HIVEP3: variants seen among roughly 807,000 people sequenced by gnomAD.
HIVEP3 encodes transcription factor HIVEP3.
A neutral mutation model predicts 152.8 loss-of-function variants in HIVEP3; 49 were observed. The ratio of observed to expected loss-of-function variants is 0.32; its 90% CI spans 0.26 to 0.41. HIVEP3 has a LOEUF of 0.41. Among genes scored for constraint, HIVEP3 ranks in the 10% least tolerant of loss-of-function variants. HIVEP3 has a pLI of 1.00. For missense variants in HIVEP3, 2,790 were observed against 3,103.3 expected (o/e 0.90, Z 2.40); for synonymous variants, 1,269 against 1,289.0 (o/e 0.98, Z 0.33).
chr1:41,718,426 A>G (rs957874520), intron 1 of HIVEP3, among the ~76,000 whole-genome samples: 1 of 152,252 alleles, frequency 6.6e-6, no homozygotes, highest in African/African-American at 2.4e-5. Context: ...GAGAATTAAG[A>G]TAATCTACGT....
Position 41,702,292 on chromosome 1 carries a change from C to G in HIVEP3, c.-800-1297G>C, listed in dbSNP as rs377271219. 1.3e-4 allele frequency among the ~76,000 whole-genome samples: 20 copies of G among 152,310 alleles called. No homozygotes were observed. The East Asian group carries it at 3.3e-3, about 25-fold the overall frequency. On this transcript the variant is annotated intron_variant, in intron 1 of 8. Transcript: ENST00000372583. The stretch of plus-strand genomic sequence containing the variant: ...CCTTCTCTTACTGAACCTTGAGAAG[C>G]CTTTCCTTGTCCCTCTACTAGGGTA...
intron 1 of HIVEP3, among the ~76,000 whole-genome samples, chr1:41,820,425 A>C (rs950658511): frequency 6.6e-6 from 1 of 152,048 alleles, no homozygotes; most frequent in Non-Finnish European, 1.5e-5. Context: ...AGCACCTCTT[A>C]TATTAATACA....
intron 1 of HIVEP3, among the ~76,000 whole-genome samples, chr1:41,724,800 G>A (rs1384916794): frequency 6.6e-6 from 1 of 152,262 alleles, no homozygotes; most frequent in Non-Finnish European, 1.5e-5. Flanking sequence ...TCCAGCCCAG[G>A]TGAGACGGTT....
chr1:41,628,611 A>T, intron 3 of HIVEP3, 138 bp downstream of exon 3: 6 of 694,428 alleles, frequency 8.6e-6, no homozygotes, highest in Admixed American at 4.3e-5. Context: ...AACAACTTTC[A>T]CAGAGGCACC....
chr1:41,618,290 C>T (rs552511908), intron 3 of HIVEP3, among the ~76,000 whole-genome samples: 1 of 152,346 alleles, frequency 6.6e-6, no homozygotes, highest in South Asian at 2.1e-4. Context: ...TATGCAATGC[C>T]GGGCCAGGAG....
chr1:41,756,822 C>T (rs1404956681), intron 1 of HIVEP3, among the ~76,000 whole-genome samples: 4 of 152,202 alleles, frequency 2.6e-5, no homozygotes, highest in African/African-American at 9.7e-5. Flanking sequence ...GTATCATTTA[C>T]TCCAGAATCC....
intron 1 of HIVEP3, among the ~76,000 whole-genome samples, chr1:41,823,009 AG>A (rs2124344627): frequency 6.6e-6 from 1 of 152,362 alleles, no homozygotes; most frequent in East Asian, 1.9e-4. Flanking sequence ...ATCTAGAGAA[AG>A]GCTCTTAAGG....
chr1:41,537,295 C>T (rs150052991), intron 5 of HIVEP3, among the ~76,000 whole-genome samples: 338 of 152,346 alleles, frequency 2.2e-3, no homozygotes, highest in African/African-American at 7.9e-3. Flanking sequence ...AGGTTTGCTG[C>T]ATTTCTGATT....
chr1:41,784,334 G>T (rs879665700), intron 1 of HIVEP3, among the ~76,000 whole-genome samples: 10 of 152,158 alleles, frequency 6.6e-5, no homozygotes, highest in Admixed American at 6.5e-4. Context: ...GCTACATGTT[G>T]AAATAACCTT....
At chr1:41,564,907 TGA>T (rs1339046956) in intron 5 of HIVEP3, among the ~76,000 whole-genome samples, 2 of 151,926 alleles carry the variant, frequency 1.3e-5, no homozygotes, top group Non-Finnish European at 1.5e-5. Flanking sequence ...GCTCGCTGGA[TGA>T]GAGTGCACCA....
intron 2 of HIVEP3, among the ~76,000 whole-genome samples, chr1:41,689,533 A>G (rs1646164167): frequency 6.6e-6 from 1 of 152,132 alleles, no homozygotes; most frequent in Non-Finnish European, 1.5e-5. Context: ...CCTGGGAGGA[A>G]AAACACACCA....
chr1:41,910,527 C>T (rs987817642), intron 1 of HIVEP3, among the ~76,000 whole-genome samples: 1 of 151,830 alleles, frequency 6.6e-6, no homozygotes, highest in Non-Finnish European at 1.5e-5. Context: ...AACCATGATA[C>T]AAAACCCTGC....
rs1208761411 is a variant in HIVEP3, at chr1:41,918,240, C to T, written c.-801+173G>A. On this transcript the variant is annotated intron_variant, in intron 1 of 8. Transcript: ENST00000372583. This position sits in a 1 kb window ranked among gnomAD's most constrained non-coding sequence, Gnocchi z 4.3. ...CACTGGCCGCCACGCGCAGCCCACCCGGCCGGCCCCTGCGTCTCGGCAGCC... is the reference window on the plus strand; with the variant it reads ...CACTGGCCGCCACGCGCAGCCCACCTGGCCGGCCCCTGCGTCTCGGCAGCC... 6.6e-6 allele frequency among the ~76,000 whole-genome samples: 1 copy of T among 152,228 alleles called. No homozygotes were observed. Among genetic ancestry groups the T allele is most frequent in the African/African-American group, 2.4e-5 (1 of 41,474 alleles).
intron 1 of HIVEP3, among the ~76,000 whole-genome samples, chr1:41,982,841 G>A (rs2124511083): frequency 6.6e-6 from 1 of 152,336 alleles, no homozygotes; most frequent in African/African-American, 2.4e-5. Context: ...TACAGAGTAG[G>A]TGCCTAATAA....
At chr1:41,809,766 A>G (rs749779705) in intron 1 of HIVEP3, among the ~76,000 whole-genome samples, 1 of 152,210 alleles carries the variant, frequency 6.6e-6, no homozygotes, top group Non-Finnish European at 1.5e-5. Flanking sequence ...GCACAAAAAG[A>G]CACTCAGTAA....
rs764791757 is a variant in HIVEP3, at chr1:41,513,319, G to A, written c.5902C>T (p.Pro1968Ser). ...CCTGCTTCTTTGCTTGGGGACCACG[G>A]TCTTCTTGGGGACACAGGCTTGTAG... The part of the protein sequence containing the change: ...LSYKPVSPRR[P>S]WSPSKEAGSR... Residue 1968 changes from proline (P) to serine (S), a missense_variant, in exon 8 of 9, where the codon CCG becomes TCG. Transcript: ENST00000372583. The A allele has an allele frequency of 6.2e-7, 1 of 1,613,138 alleles. No homozygotes were observed. Among genetic ancestry groups the A allele is most frequent in the Non-Finnish European group, 8.5e-7 (1 of 1,180,016 alleles).
chr1:41,647,803 C>A (rs549104464), intron 2 of HIVEP3, among the ~76,000 whole-genome samples: 1 of 152,362 alleles, frequency 6.6e-6, no homozygotes, highest in East Asian at 1.9e-4. Flanking sequence ...CTCTTGCCAC[C>A]AAACACTGGG....
In HIVEP3 at chr1:41,513,232, A is replaced by C; in HGVS notation, c.5989T>G (p.Cys1997Gly). Residue 1997 changes from cysteine to glycine, a missense_variant, in exon 8 of 9, where the codon TGC (cysteine) becomes GGC (glycine). Cys to Gly is a radical substitution (Grantham distance 159, BLOSUM62 -3). This residue lies in a region of HIVEP3 where 816 missense variants were observed against 806.5 expected (regional missense o/e 1.01). Transcript: ENST00000372583. ...LTKNDSSPQR[C>G]SPAREPQASA... ...GCCTGTGGTTCTCGGGCCGGGGAGC[A>C]TCGCTGGGGAGATGAGTCGTTTTTG... 6.2e-7 allele frequency: 1 copy of C among 1,613,594 alleles called. No homozygotes were observed.
chr1:41,720,030 G>A (rs1646652626), intron 1 of HIVEP3, among the ~76,000 whole-genome samples: 1 of 152,214 alleles, frequency 6.6e-6, no homozygotes, highest in Non-Finnish European at 1.5e-5. Flanking sequence ...TGTGGAGCGG[G>A]GCTGGGGTCC....
Sources: allele counts gnomAD v4.1 joint callset (sites outside exome capture counted in the v4.1 genomes callset), GRCh38; gene constraint gnomAD v4.1.1; regional missense constraint gnomAD v4.1.1; non-coding constraint Gnocchi (gnomAD v3.1); transcripts MANE v1.5; gene names NCBI Gene and HGNC (gene_info 2026-07-23, HGNC 2026-07-21).